The following TMEM132D variants were observed in gnomAD, a reference collection of about 807,000 sequenced individuals.
TMEM132D encodes mature OL transmembrane protein.
TMEM132D carries 21 observed loss-of-function variants against 62.3 expected under a neutral mutation model. The ratio of observed to expected loss-of-function variants is 0.34; its 90% CI spans 0.24 to 0.49. The LOEUF is 0.49. Among genes scored for constraint, TMEM132D ranks in the 20% least tolerant of loss-of-function variants. The pLI, the probability that TMEM132D is intolerant of heterozygous loss-of-function variation, is 0.99. For synonymous variants in TMEM132D, 621 were observed against 575.6 expected, an observed-to-expected ratio of 1.08 and a Z score of -1.13; for missense variants, 1,346 against 1,402.8, an observed-to-expected ratio of 0.96 and a Z score of 0.65.
At chr12:129,193,435 A>G (rs1878465383) in intron 5 of TMEM132D, among the ~76,000 whole-genome samples, 1 of 152,202 alleles carries the variant, frequency 6.6e-6, no homozygotes, top group South Asian at 2.1e-4. Flanking sequence ...AGAAACCCAG[A>G]AGGTGCTATG....
intron 1 of TMEM132D, among the ~76,000 whole-genome samples, chr12:129,731,123 C>T (rs1027764765): frequency 1.3e-5 from 2 of 152,058 alleles, no homozygotes; most frequent in Non-Finnish European, 2.9e-5. Flanking sequence ...TGGTTTAGAG[C>T]TTTACCATTC....
intron 1 of TMEM132D, among the ~76,000 whole-genome samples, chr12:129,800,170 T>C (rs1051694521): frequency 6.6e-6 from 1 of 152,096 alleles, no homozygotes; most frequent in African/African-American, 2.4e-5. Flanking sequence ...TGTAGCTGTA[T>C]TGGAATTGCC....
chr12:129,560,249 T>C (rs985249600), intron 2 of TMEM132D, among the ~76,000 whole-genome samples: 1 of 146,540 alleles, frequency 6.8e-6, no homozygotes, highest in Non-Finnish European at 1.5e-5. Flanking sequence ...TTTTTTGTTG[T>C]AGTTTTTTTG....
intron 1 of TMEM132D, among the ~76,000 whole-genome samples, chr12:129,764,870 G>A (rs1403143511): frequency 6.6e-6 from 1 of 152,132 alleles, no homozygotes; most frequent in Non-Finnish European, 1.5e-5. Flanking sequence ...GAGCCTGGGA[G>A]GTTGAGGCTG....
intron 3 of TMEM132D, among the ~76,000 whole-genome samples, chr12:129,460,494 G>C (rs1021770626): frequency 1.3e-5 from 2 of 152,174 alleles, no homozygotes; most frequent in South Asian, 4.1e-4. Flanking sequence ...GTGATGATGG[G>C]CTTGTTACCT....
At chr12:129,151,572 C>CG (rs1342321226) in intron 5 of TMEM132D, among the ~76,000 whole-genome samples, 1 of 152,198 alleles carries the variant, frequency 6.6e-6, no homozygotes, top group African/African-American at 2.4e-5. Flanking sequence ...CATATGGTCA[C>CG]GGCGCGTGTA....
chr12:129,346,011 T>C (rs1483202575), intron 3 of TMEM132D, among the ~76,000 whole-genome samples: 1 of 152,214 alleles, frequency 6.6e-6, no homozygotes, highest in East Asian at 1.9e-4. Flanking sequence ...TTAGGAGGAA[T>C]GGTACCAGCT....
chr12:129,171,037 G>A (rs990989266), intron 5 of TMEM132D, among the ~76,000 whole-genome samples: 21 of 152,126 alleles, frequency 1.4e-4, no homozygotes, highest in African/African-American at 3.9e-4. Flanking sequence ...TGTAGCATGC[G>A]ATGCTGTTTG....
At chr12:129,711,496 C>T (rs630981) in intron 1 of TMEM132D, among the ~76,000 whole-genome samples, 8 of 152,020 alleles carry the variant, frequency 5.3e-5, no homozygotes, top group East Asian at 3.9e-4. Flanking sequence ...GAGGCCATGG[C>T]GGGTGGATCA....
intron 2 of TMEM132D, among the ~76,000 whole-genome samples, chr12:129,596,317 C>A (rs1187710196): frequency 6.6e-6 from 1 of 152,164 alleles, no homozygotes; most frequent in Non-Finnish European, 1.5e-5. Context: ...ATTATGATGG[C>A]TCTGGTGAGA....
At chr12:129,653,936 G>C (rs1458466163) in intron 2 of TMEM132D, among the ~76,000 whole-genome samples, 1 of 152,122 alleles carries the variant, frequency 6.6e-6, no homozygotes, top group Non-Finnish European at 1.5e-5. Context: ...CAAGGTACCA[G>C]GTTACATTGA....
At chr12:129,281,894 T>A (rs1315244676) in intron 4 of TMEM132D, among the ~76,000 whole-genome samples, 1 of 152,150 alleles carries the variant, frequency 6.6e-6, no homozygotes, top group Admixed American at 6.5e-5. Flanking sequence ...ACCAGGTGTC[T>A]TTCCTCAATG....
intron 2 of TMEM132D, among the ~76,000 whole-genome samples, chr12:129,631,980 G>A (rs1206967671): frequency 6.6e-6 from 1 of 152,180 alleles, no homozygotes; most frequent in East Asian, 1.9e-4. Flanking sequence ...CTATTCCAAG[G>A]AATAAGTAAA....
At chr12:129,448,019 C>T (rs575564305) in intron 3 of TMEM132D, among the ~76,000 whole-genome samples, 1 of 152,270 alleles carries the variant, frequency 6.6e-6, no homozygotes, top group Admixed American at 6.5e-5. Flanking sequence ...GTGGCGTTTT[C>T]AGCGTAGTGC....
At chr12:129,231,458 T>C (rs1156448208) in intron 4 of TMEM132D, among the ~76,000 whole-genome samples, 3 of 152,198 alleles carry the variant, frequency 2.0e-5, no homozygotes, top group Non-Finnish European at 4.4e-5. Context: ...AGGTATAAAA[T>C]GTGTTATATG....
intron 4 of TMEM132D, among the ~76,000 whole-genome samples, chr12:129,239,131 ATCT>A (rs1879866608): frequency 6.6e-6 from 1 of 151,804 alleles, no homozygotes; most frequent in Admixed American, 6.6e-5. Context: ...CCATTTGCAC[ATCT>A]TCTTTGGAGA....
intron 1 of TMEM132D, among the ~76,000 whole-genome samples, chr12:129,858,962 G>A (rs1267865698): frequency 8.3e-6 from 1 of 120,622 alleles, no homozygotes; most frequent in African/African-American, 3.3e-5. Context: ...TGCCCTTGGA[G>A]TCCGGGGGAA....
intron 2 of TMEM132D, among the ~76,000 whole-genome samples, chr12:129,586,120 G>T (rs1005071153): frequency 6.6e-6 from 1 of 150,404 alleles, no homozygotes; most frequent in Non-Finnish European, 1.5e-5. Flanking sequence ...GTTCACCTTA[G>T]TTCTTCCTGC....
chr12:129,829,948 T>C (rs1872778583), intron 1 of TMEM132D, among the ~76,000 whole-genome samples: 1 of 152,146 alleles, frequency 6.6e-6, no homozygotes, highest in Non-Finnish European at 1.5e-5. Context: ...AGTTTGTTTG[T>C]CTCCTTTCAG....
Sources: gnomAD v4.1 joint callset for allele counts (sites outside exome capture counted in the v4.1 genomes callset) on GRCh38, gnomAD v4.1.1 for gene constraint, MANE v1.5 for transcripts, NCBI Gene and HGNC (gene_info 2026-07-23, HGNC 2026-07-21) for gene names.